SFMBT2: variants seen among roughly 807,000 people sequenced by gnomAD.
The protein encoded by SFMBT2 is Scm like with four mbt domains 2.
A neutral mutation model predicts 110.1 loss-of-function variants in SFMBT2; 38 were observed. The ratio of observed to expected loss-of-function variants is 0.35; its 90% CI spans 0.27 to 0.45. The LOEUF (loss-of-function observed/expected upper bound fraction) is 0.45. SFMBT2 is among the 20% of genes least tolerant of loss of function. The pLI is 1.00. For synonymous variants in SFMBT2, 425 were observed against 425.4 expected, an observed-to-expected ratio of 1.00 and a Z score of 0.01; for missense variants, 1,011 against 1,094.9, an observed-to-expected ratio of 0.92 and a Z score of 1.08.
rs963423590 is a variant in SFMBT2 at position 7,301,734 on chromosome 10, G to A, written c.437-15780C>T. Among the ~76,000 whole-genome samples the A allele has an allele frequency of 2.6e-5, 4 of 152,266 alleles. No homozygotes were observed. Among genetic ancestry groups the A allele is most frequent in the African/African-American group, 9.6e-5 (4 of 41,562 alleles). On this transcript the variant is annotated intron_variant, in intron 4 of 20. Coordinates refer to ENST00000397167, the MANE Select transcript of SFMBT2 (RefSeq NM_001387889.1). The surrounding 1 kb of genome is among the most constrained non-coding windows in gnomAD (Gnocchi z 4.2). The stretch of plus-strand genomic sequence containing the variant: ...ACATGGGCTCCCCAGAAGTCACCTA[G>A]TATGAGAGCCACGCCTCTCTACAGA...
In SFMBT2 at chr10:7,160,031, G is replaced by A. The variant is rs1303777533; in HGVS notation, c.*3739C>T. 2 of 152,086 alleles carry A rather than the reference G, an allele frequency of 1.3e-5. No individual in the cohort carries two copies. Among genetic ancestry groups the A allele is most frequent in the Admixed American group, 1.3e-4 (2 of 15,276 alleles). 9.4% of individuals were successfully genotyped at this position (152,086 alleles called of 1,614,324 possible). A position where few individuals can be genotyped will look rare whatever the true frequency, so the allele number is the denominator to read the frequency against. On this transcript the variant is annotated 3_prime_UTR_variant, in exon 21 of 21. Coordinates refer to ENST00000397167, the MANE Select transcript of SFMBT2 (RefSeq NM_001387889.1). ...GGTGTGGATCATTTTAATGTACTGA[G>A]GAACAAATCAAAGCAAACACAGGAA...
At chr10:7,195,619 C>G (rs1838743535) in intron 15 of SFMBT2, among the ~76,000 whole-genome samples, 1 of 152,184 alleles carries the variant, frequency 6.6e-6, no homozygotes, top group African/African-American at 2.4e-5. Flanking sequence ...CTGCACATTT[C>G]AGGTGCTGTG....
intron 4 of SFMBT2, among the ~76,000 whole-genome samples, chr10:7,362,325 T>C (rs1348284777): frequency 6.6e-6 from 1 of 152,206 alleles, no homozygotes; most frequent in Admixed American, 6.5e-5. Context: ...CTCCTGGAGC[T>C]GCCGCCATGC....
intron 4 of SFMBT2, among the ~76,000 whole-genome samples, chr10:7,341,052 T>C (rs1180087601): frequency 6.6e-6 from 1 of 152,168 alleles, no homozygotes; most frequent in Non-Finnish European, 1.5e-5. Flanking sequence ...GCGTGAAATG[T>C]GAAGCAGCAG....
At chr10:7,409,920 C>T (rs1382721128) in intron 1 of SFMBT2, among the ~76,000 whole-genome samples, 1 of 152,054 alleles carries the variant, frequency 6.6e-6, no homozygotes, top group East Asian at 1.9e-4. Context: ...CACCGAGAAT[C>T]AGCCACTTCC....
At chr10:7,222,734 A>G (rs190449464) in intron 10 of SFMBT2, among the ~76,000 whole-genome samples, 2 of 151,696 alleles carry the variant, frequency 1.3e-5, no homozygotes, top group East Asian at 1.9e-4. Context: ...TAGTGGCATG[A>G]TCTCAGCTCA....
intron 2 of SFMBT2, among the ~76,000 whole-genome samples, chr10:7,378,210 A>G (rs1277383404): frequency 1.3e-4 from 2 of 15,850 alleles, no homozygotes; most frequent in Admixed American, 6.1e-4. Flanking sequence ...GTATGTGTGG[A>G]TGTGTGATGG....
chr10:7,221,544 C>T (rs186875168), intron 10 of SFMBT2, among the ~76,000 whole-genome samples: 35 of 145,640 alleles, frequency 2.4e-4, no homozygotes, highest in Non-Finnish European at 3.7e-4. Context: ...CCAGCCTGGG[C>T]GACAGAGTGA....
intron 15 of SFMBT2, among the ~76,000 whole-genome samples, chr10:7,195,369 T>A (rs1225351435): frequency 6.6e-6 from 1 of 152,144 alleles, no homozygotes; most frequent in Non-Finnish European, 1.5e-5. Context: ...CCCTCCCAAC[T>A]CAATCACCCT....
chr10:7,291,519 G>C (rs959170840), intron 4 of SFMBT2, among the ~76,000 whole-genome samples: 2 of 151,886 alleles, frequency 1.3e-5, no homozygotes, highest in Non-Finnish European at 2.9e-5. Flanking sequence ...CCTATTCCCC[G>C]GGTCCTCTCT....
intron 2 of SFMBT2, among the ~76,000 whole-genome samples, chr10:7,375,507 C>CT (rs200926048): frequency 6.6e-6 from 1 of 151,724 alleles, no homozygotes. Context: ...TTAAGTCTTT[C>CT]TTCTTGTAAA....
At chr10:7,371,328 C>T (rs1228289882) in intron 2 of SFMBT2, among the ~76,000 whole-genome samples, 7 of 152,100 alleles carry the variant, frequency 4.6e-5, no homozygotes, top group Non-Finnish European at 7.4e-5. Flanking sequence ...TTTCACTACA[C>T]GTTGGCCAGG....
intron 11 of SFMBT2, among the ~76,000 whole-genome samples, chr10:7,207,203 T>C (rs112826028): frequency 0.061 from 9,285 of 151,874 alleles, 382 homozygotes; most frequent in Non-Finnish European, 0.087. Flanking sequence ...CTACAAAAAA[T>C]ACAAAATTAG....
intron 7 of SFMBT2, among the ~76,000 whole-genome samples, chr10:7,276,168 C>T (rs1841768294): frequency 6.6e-6 from 1 of 152,088 alleles, no homozygotes. Flanking sequence ...TTTCACAAGC[C>T]CTTCATTTTC....
rs1266549732 is a variant in SFMBT2 at position 7,159,906 on chromosome 10, C to A, written c.*3864G>T. The A allele has an allele frequency of 6.6e-6, 1 of 152,062 alleles. No individual in the cohort carries two copies. The highest frequency in any genetic ancestry group is 2.4e-5 in the African/African-American group (1 of 41,388). 9.4% of individuals were successfully genotyped at this position (152,062 alleles called of 1,614,324 possible). On this transcript the variant is annotated 3_prime_UTR_variant, in exon 21 of 21. Coordinates refer to ENST00000397167, the MANE Select transcript of SFMBT2 (RefSeq NM_001387889.1). Reference sequence around the variant, plus strand: ...GACAGAAGGCAAATCTCAGAACTTGCCAAATACAACACTCAAAATTCTGTG... The same window carrying A: ...GACAGAAGGCAAATCTCAGAACTTGACAAATACAACACTCAAAATTCTGTG...
chr10:7,388,333 GA>G, intron 1 of SFMBT2, among the ~76,000 whole-genome samples: 1 of 148,514 alleles, frequency 6.7e-6, no homozygotes, highest in Admixed American at 6.7e-5. Flanking sequence ...GAAGGATGAT[GA>G]TGATGATGAT....
chr10:7,349,145 C>T (rs1844217431), intron 4 of SFMBT2, among the ~76,000 whole-genome samples: 6 of 152,178 alleles, frequency 3.9e-5, no homozygotes, highest in Admixed American at 3.9e-4. Flanking sequence ...GAATCACAGA[C>T]CTCTTCCATA....
At chr10:7,167,562 T>C (rs975681039) in intron 20 of SFMBT2, among the ~76,000 whole-genome samples, 6 of 152,162 alleles carry the variant, frequency 3.9e-5, no homozygotes. Flanking sequence ...TCCTTCTAGC[T>C]CACCTGTAAT....
Position 7,284,054 on chromosome 10 carries a change from C to A in SFMBT2, c.622G>T (p.Val208Leu). ...AATCTTCCTCCAACATTTTCAATCA[C>A]ACTAACTATCCAGTACTGAAAAGGG... ...QNPFQYWIVS[V>L]IENVGGRLRL... The change falls in exon 6 of 21, where the codon GTG (valine) becomes TTG (leucine). Residue 208 changes from valine (V) to leucine (L), a missense_variant. By Grantham distance (32) the Val-to-Leu change is conservative (BLOSUM62 1). Coordinates refer to ENST00000397167, the MANE Select transcript of SFMBT2 (RefSeq NM_001387889.1). The A allele has an allele frequency of 6.2e-7, 1 of 1,614,170 alleles. No homozygotes were observed. Among genetic ancestry groups the A allele is most frequent in the South Asian group, 1.1e-5 (1 of 91,078 alleles).
Sources: gnomAD v4.1 joint callset for allele counts (sites outside exome capture counted in the v4.1 genomes callset) on GRCh38, gnomAD v4.1.1 for gene constraint, Gnocchi (gnomAD v3.1) non-coding constraint, MANE v1.5 for transcripts, NCBI Gene and HGNC (gene_info 2026-07-23, HGNC 2026-07-21) for gene names.